Variants in NFASC observed in about 807,000 individuals in gnomAD.
NFASC encodes the protein neurofascin, also known as neurofascin homolog.
In NFASC, 43 loss-of-function variants were observed where a neutral mutation model predicts 147.5. That is an observed-to-expected ratio of 0.29 (90% CI 0.23 to 0.38). The LOEUF (loss-of-function observed/expected upper bound fraction) is 0.38. Among genes scored for constraint, NFASC ranks in the 10% least tolerant of loss-of-function variants. The pLI is 1.00. For missense variants in NFASC, 1,320 were observed against 1,689.0 expected (o/e 0.78, Z 3.83); for synonymous variants, 622 against 665.5 (o/e 0.93, Z 1.01).
Position 204,850,911 on chromosome 1 carries a change from A to C in NFASC, c.-200+22129A>C, listed in dbSNP as rs114448941. On this transcript the variant is annotated intron_variant, in intron 1 of 29. Coordinates refer to ENST00000339876, the MANE Select transcript of NFASC (RefSeq NM_001005388.3). ...TTATTTTATCCATAATGAACCAGGA[A>C]ACATATGCAACTTCATAGAGTTAAT... 3.9e-3 allele frequency among the ~76,000 whole-genome samples: 590 copies of C among 152,336 alleles called. 3 individuals are homozygous for C. The highest frequency in any genetic ancestry group is 0.011 in the African/African-American group (438 of 41,568).
chr1:204,981,272 C>G (rs1173240551), intron 20 of NFASC, among the ~76,000 whole-genome samples: 3 of 152,208 alleles, frequency 2.0e-5, no homozygotes, highest in African/African-American at 7.2e-5. Context: ...TGGGCCAGGC[C>G]CTTAGAAAAT....
Position 204,954,239 on chromosome 1 carries a change from G to C in NFASC, c.267G>C (p.Arg89=), listed in dbSNP as rs748244825. 1 of 1,614,210 alleles carries C rather than the reference G, an allele frequency of 6.2e-7. No homozygotes were observed. The highest frequency in any genetic ancestry group is 1.3e-5 in the African/African-American group (1 of 75,056). ...SRFFNIAKDP[R]VSMRRRSGTL... ...TCTTCAACATCGCCAAGGACCCCCG[G>C]GTGTCCATGAGGAGGAGGTCTGGGA... Residue 89 remains arginine, a synonymous_variant, in exon 6 of 30, where the codon CGG becomes CGC. Coordinates refer to ENST00000339876, the MANE Select transcript of NFASC (RefSeq NM_001005388.3). This position sits in a 1 kb window ranked among gnomAD's most constrained non-coding sequence, Gnocchi z 5.7.
intron 1 of NFASC, among the ~76,000 whole-genome samples, chr1:204,915,881 C>T (rs907056783): frequency 6.6e-6 from 1 of 152,138 alleles, no homozygotes; most frequent in African/African-American, 2.4e-5. Flanking sequence ...TGAGAATAAA[C>T]GTTTGCTAAG....
At chr1:204,957,589 A>G (rs1430147718) in intron 7 of NFASC, 67 bp from the exon 8 acceptor site, 6 of 1,497,804 alleles carry the variant, frequency 4.0e-6, no homozygotes. Context: ...TTCTGTCGCC[A>G]GGACTGCGGT....
intron 24 of NFASC, among the ~76,000 whole-genome samples, chr1:204,993,151 C>G (rs1250696895): frequency 4.6e-5 from 7 of 152,214 alleles, no homozygotes; most frequent in South Asian, 4.1e-4. Flanking sequence ...TGTCTTCCCT[C>G]TCGTCCTCTC....
At chr1:204,926,396 ATATATATATATTTTTTTTTTTTTT>A (rs1480324575) in intron 2 of NFASC, among the ~76,000 whole-genome samples, 9 of 35,558 alleles carry the variant, frequency 2.5e-4, no homozygotes, top group South Asian at 7.8e-4. Context: ...ATATATATAT[ATATATATATATTTTTTTTTTTTTT>A]TTTTTTTTTT....
chr1:204,996,859 G>C (rs543909784), intron 24 of NFASC, among the ~76,000 whole-genome samples: 42 of 152,292 alleles, frequency 2.8e-4, no homozygotes, highest in African/African-American at 9.9e-4. Flanking sequence ...CCTGGGGTCT[G>C]AGCGATTCAG....
chr1:204,981,830 C>T lies in NFASC; in HGVS notation c.2280C>T (p.Asn760=). The change falls in exon 21 of 30, where the codon AAC becomes AAT. Residue 760 remains asparagine, a synonymous_variant. Transcript: ENST00000339876. Reference sequence around the variant, plus strand: ...ATGCCACCTCGGCCTTTGGCCCCAACCTGCGCTACATTGTCAAGTGGAGGC... The same window carrying T: ...ATGCCACCTCGGCCTTTGGCCCCAATCTGCGCTACATTGTCAAGTGGAGGC... The part of the protein sequence containing the change: ...PMNATSAFGP[N]LRYIVKWRRR... 6.3e-7 allele frequency: 1 copy of T among 1,583,336 alleles called. No homozygotes were observed. The highest frequency in any genetic ancestry group is 8.6e-7 in the Non-Finnish European group (1 of 1,163,560).
chr1:204,881,421 T>A (rs1164410024), intron 1 of NFASC, among the ~76,000 whole-genome samples: 1 of 152,226 alleles, frequency 6.6e-6, no homozygotes, highest in Admixed American at 6.5e-5. Context: ...GCAATTACAT[T>A]TGCACCAACC....
At chr1:204,942,426 C>A (rs1194552171) in intron 2 of NFASC, among the ~76,000 whole-genome samples, 12 of 152,168 alleles carry the variant, frequency 7.9e-5, no homozygotes, top group Non-Finnish European at 1.3e-4. Context: ...AGAGGGGATG[C>A]ATTATGCAGG....
chr1:204,974,706 T>C lies in NFASC; in HGVS notation c.1441T>C (p.Tyr481His). The C allele has an allele frequency of 6.2e-7, 1 of 1,614,222 alleles. No individual in the cohort carries two copies. Among genetic ancestry groups the C allele is most frequent in the Non-Finnish European group, 8.5e-7 (1 of 1,180,040 alleles). ...SNLDGGNYHV[Y>H]ENGSLEIKMI... ...CCTGGATGGTGGCAACTACCATGTT[T>C]ATGAGAACGGCAGTCTGGAAATTAA... Residue 481 changes from tyrosine to histidine, a missense_variant, in exon 14 of 30, where the codon TAT (tyrosine) becomes CAT (histidine). This residue lies in a region of NFASC where 981 missense variants were observed against 1,289.5 expected (regional missense o/e 0.76). Transcript: ENST00000339876.
At chr1:204,942,915 T>C (rs1351549196) in intron 2 of NFASC, among the ~76,000 whole-genome samples, 1 of 152,210 alleles carries the variant, frequency 6.6e-6, no homozygotes, top group African/African-American at 2.4e-5. Flanking sequence ...ATCAGTGACC[T>C]GCTTTTTGCT....
chr1:204,935,486 G>A (rs1347253196), intron 2 of NFASC, among the ~76,000 whole-genome samples: 1 of 152,196 alleles, frequency 6.6e-6, no homozygotes, highest in East Asian at 1.9e-4. Flanking sequence ...ATTGGTTTGG[G>A]AACGTATTCA....
chr1:204,944,470 G>A, intron 3 of NFASC, 64 bp downstream of exon 3: 1 of 1,007,594 alleles, frequency 9.9e-7, no homozygotes, highest in Non-Finnish European at 1.4e-6. Flanking sequence ...TGGGAGGGGA[G>A]GGAAGGTCAG....
chr1:204,966,608 C>A (rs993411890), intron 8 of NFASC, among the ~76,000 whole-genome samples: 2 of 152,150 alleles, frequency 1.3e-5, no homozygotes, highest in African/African-American at 2.4e-5. Flanking sequence ...AGATGATAAC[C>A]AATTAACCAC....
At chr1:204,972,957 G>T (rs914652430) in intron 11 of NFASC, among the ~76,000 whole-genome samples, 2 of 152,232 alleles carry the variant, frequency 1.3e-5, no homozygotes, top group Admixed American at 6.5e-5. Flanking sequence ...GGTAGGAAGT[G>T]ATGTGGTTAG....
intron 1 of NFASC, among the ~76,000 whole-genome samples, chr1:204,902,101 C>G (rs931849417): frequency 6.6e-6 from 1 of 152,102 alleles, no homozygotes; most frequent in Non-Finnish European, 1.5e-5. Flanking sequence ...CGAGACCAGC[C>G]TGGGTAACAT....
intron 8 of NFASC, chr1:204,967,967 C>CATTAAAAA: frequency 7.1e-6 from 2 of 281,042 alleles, no homozygotes; most frequent in South Asian, 5.4e-5. Flanking sequence ...CAGCCCCTCC[C>CATTAAAAA]CGTTCCAGGG....
rs910445655 is a variant in NFASC at position 204,851,597 on chromosome 1, C to T, written c.-200+22815C>T. Among the ~76,000 whole-genome samples, 5 of 152,008 alleles carry T rather than the reference C, an allele frequency of 3.3e-5. No homozygotes were observed. The East Asian group carries it at 5.8e-4, about 18-fold the overall frequency. On this transcript the variant is annotated intron_variant, in intron 1 of 29. Coordinates refer to ENST00000339876, the MANE Select transcript of NFASC (RefSeq NM_001005388.3). ...ATCGGCCCACCTCAGCCTCCCAAAG[C>T]GCTGGAATTAGAGTCATGAGCCACC...
Sources: allele counts gnomAD v4.1 joint callset (sites outside exome capture counted in the v4.1 genomes callset), GRCh38; gene constraint gnomAD v4.1.1; regional missense constraint gnomAD v4.1.1; non-coding constraint Gnocchi (gnomAD v3.1); transcripts MANE v1.5; gene names NCBI Gene and HGNC (gene_info 2026-07-23, HGNC 2026-07-21).